The following BFSP2 variants were observed in gnomAD, a reference collection of about 807,000 sequenced individuals.
BFSP2 encodes the protein beaded filament structural protein 2.
A neutral mutation model predicts 44.9 loss-of-function variants in BFSP2; 38 were observed. The ratio of observed to expected loss-of-function variants is 0.85; its 90% CI spans 0.65 to 1.11. BFSP2 has a LOEUF of 1.11. Among genes scored for constraint, BFSP2 ranks in the 50% least tolerant of loss-of-function variants. The pLI is 0.00. For synonymous variants in BFSP2, 197 were observed against 209.9 expected (o/e 0.94, Z 0.53); for missense variants, 525 against 533.0 (o/e 0.99, Z 0.15).
rs535054343 is a variant in BFSP2, at chr3:133,452,809, G to C, written c.891+2345G>C. Among the ~76,000 whole-genome samples, 3 of 152,188 alleles carry C rather than the reference G, an allele frequency of 2.0e-5. No individual in the cohort carries two copies. In the East Asian group the frequency reaches 5.8e-4, roughly 29 times the overall value. The stretch of plus-strand genomic sequence containing the variant: ...GTTTGCAAACTTTGCTTCTGTCCCA[G>C]CCCTCCTGCGGTGTGCACCACACTG... On this transcript the variant is annotated intron_variant, in intron 4 of 6. Coordinates refer to ENST00000302334, the MANE Select transcript of BFSP2 (RefSeq NM_003571.4).
At chr3:133,469,223 G>A (rs2074139559) in intron 5 of BFSP2, among the ~76,000 whole-genome samples, 1 of 152,220 alleles carries the variant, frequency 6.6e-6, no homozygotes, top group Admixed American at 6.5e-5. Context: ...TGGTCACGGG[G>A]CCTTGCAGCC....
At chr3:133,433,471 C>A (rs1267657181) in intron 1 of BFSP2, among the ~76,000 whole-genome samples, 1 of 152,158 alleles carries the variant, frequency 6.6e-6, no homozygotes, top group Non-Finnish European at 1.5e-5. Context: ...TCCTACACAT[C>A]AAGCTCGAGG....
At chr3:133,432,472 G>A (rs1479366728) in intron 1 of BFSP2, among the ~76,000 whole-genome samples, 2 of 152,186 alleles carry the variant, frequency 1.3e-5, no homozygotes, top group African/African-American at 4.8e-5. Context: ...TACCTGGGCT[G>A]TGCTGCCACA....
chr3:133,431,016 C>G (rs1330917440), intron 1 of BFSP2, among the ~76,000 whole-genome samples: 1 of 152,082 alleles, frequency 6.6e-6, no homozygotes, highest in South Asian at 2.1e-4. Flanking sequence ...TTTTTCTTTA[C>G]CCCAAATCAG....
At chr3:133,420,893 T>G (rs1237087931) in intron 1 of BFSP2, among the ~76,000 whole-genome samples, 1 of 152,236 alleles carries the variant, frequency 6.6e-6, no homozygotes, top group Non-Finnish European at 1.5e-5. Flanking sequence ...TTGGCAGTCC[T>G]GCATCTATGC....
chr3:133,465,195 C>A (rs775251165), intron 4 of BFSP2, among the ~76,000 whole-genome samples: 1 of 151,804 alleles, frequency 6.6e-6, no homozygotes. Flanking sequence ...TTAGTAGAGA[C>A]GGGTTTTCAC....
intron 5 of BFSP2, among the ~76,000 whole-genome samples, chr3:133,469,466 C>T (rs2074142660): frequency 6.6e-6 from 1 of 152,232 alleles, no homozygotes; most frequent in Admixed American, 6.5e-5. Flanking sequence ...TGCTTGAGAC[C>T]TGCTGAACTC....
At position 133,448,554 on chromosome 3, in the gene BFSP2, T is replaced by C. The variant is rs147660299; in HGVS notation, c.638T>C (p.Ile213Thr). Residue 213 changes from isoleucine (I) to threonine (T), a missense_variant, in exon 3 of 7, where the codon ATT (isoleucine) becomes ACT (threonine). Physicochemically the swap from Ile to Thr is moderately conservative, Grantham distance 89. Transcript: ENST00000302334. Reference sequence around the variant, plus strand: ...GAAATTAACTCTCTGTATAAAGTCATTGATGAGGCTAATTTGACTAAAATG... The same window carrying C: ...GAAATTAACTCTCTGTATAAAGTCACTGATGAGGCTAATTTGACTAAAATG... ...EEEINSLYKV[I>T]DEANLTKMDL... The C allele has an allele frequency of 9.3e-6, 15 of 1,614,006 alleles. No individual in the cohort carries two copies. The African/African-American group carries it at 1.1e-4, about 11-fold the overall frequency.
chr3:133,463,978 A>G (rs573335737), intron 4 of BFSP2, among the ~76,000 whole-genome samples: 2 of 152,304 alleles, frequency 1.3e-5, no homozygotes, highest in South Asian at 2.1e-4. Context: ...CTGAAAATTT[A>G]AAAATCAGCT....
At chr3:133,443,431 T>C (rs1293622489) in intron 1 of BFSP2, among the ~76,000 whole-genome samples, 1 of 151,982 alleles carries the variant, frequency 6.6e-6, no homozygotes, top group Non-Finnish European at 1.5e-5. Flanking sequence ...AAGAAAAACC[T>C]GGTGAAGCAG....
rs575843599 is a variant in BFSP2 at position 133,437,510 on chromosome 3, C to T, written c.490-9807C>T. Among the ~76,000 whole-genome samples, 7 of 146,342 alleles carry T rather than the reference C, an allele frequency of 4.8e-5. No homozygotes were observed. In the East Asian group the frequency reaches 1.2e-3, roughly 25 times the overall value. On this transcript the variant is annotated intron_variant, in intron 1 of 6. Coordinates refer to ENST00000302334, the MANE Select transcript of BFSP2 (RefSeq NM_003571.4). ...TGCACTCCAGCCTGGGCAACAAGAG[C>T]GAAACTCAGTCTCAAAAAACAAAAC...
intron 1 of BFSP2, among the ~76,000 whole-genome samples, chr3:133,431,758 T>G (rs1406287806): frequency 2.0e-5 from 3 of 152,154 alleles, no homozygotes; most frequent in African/African-American, 7.2e-5. Flanking sequence ...CCTCCATAAC[T>G]GTTGTGGGTA....
chr3:133,404,526 G>A (rs1002413662), intron 1 of BFSP2, among the ~76,000 whole-genome samples: 1 of 152,182 alleles, frequency 6.6e-6, no homozygotes, highest in African/African-American at 2.4e-5. Context: ...GGTAAGAAAG[G>A]TACCGCAGCC....
chr3:133,429,296 G>T (rs551788716), intron 1 of BFSP2: 1 of 152,332 alleles, frequency 6.6e-6, no homozygotes, highest in African/African-American at 2.4e-5. Context: ...TGTACAGAGA[G>T]AGATTTATTT....
intron 1 of BFSP2, among the ~76,000 whole-genome samples, chr3:133,444,095 A>AT (rs1435914478): frequency 6.6e-6 from 1 of 151,842 alleles, no homozygotes; most frequent in Non-Finnish European, 1.5e-5. Context: ...AAAGGAAAAA[A>AT]ATATATATGT....
At chr3:133,446,601 TATATATA>T (rs2073901912) in intron 1 of BFSP2, among the ~76,000 whole-genome samples, 1 of 37,462 alleles carries the variant, frequency 2.7e-5, no homozygotes, top group African/African-American at 1.3e-4. Flanking sequence ...TATATATATA[TATATATA>T]TATATATATA....
At position 133,400,577 on chromosome 3, in the gene BFSP2, G is replaced by A. The variant is rs2073355078; in HGVS notation, c.489+5G>A. ...TGGGCCAGCAGCTGCCAGCAGGTAA[G>A]TGTCCAGGCTGTGCCAAGGGCTTTG... On this transcript the variant is annotated splice_donor_5th_base_variant and intron_variant, in intron 1 of 6. Transcript: ENST00000302334. The surrounding 1 kb of genome is among the most constrained non-coding windows in gnomAD (Gnocchi z 4.0). 1 of 1,592,416 alleles carries A rather than the reference G, an allele frequency of 6.3e-7. No homozygotes were observed. Among genetic ancestry groups the A allele is most frequent in the African/African-American group, 1.3e-5 (1 of 74,496 alleles).
At chr3:133,472,996 C>T (rs1158299470) in intron 6 of BFSP2, among the ~76,000 whole-genome samples, 1 of 151,562 alleles carries the variant, frequency 6.6e-6, no homozygotes, top group African/African-American at 2.4e-5. Flanking sequence ...GTATGTTGCC[C>T]AGGCTGGTCT....
chr3:133,425,806 G>T, intron 1 of BFSP2, among the ~76,000 whole-genome samples: 1 of 101,358 alleles, frequency 9.9e-6, no homozygotes, highest in South Asian at 2.9e-4. Flanking sequence ...AAGGGAAGAA[G>T]GGAAGGGAAG....
Sources: allele counts gnomAD v4.1 joint callset (sites outside exome capture counted in the v4.1 genomes callset), GRCh38; gene constraint gnomAD v4.1.1; non-coding constraint Gnocchi (gnomAD v3.1); transcripts MANE v1.5; gene names NCBI Gene and HGNC (gene_info 2026-07-23, HGNC 2026-07-21).